SLC11A2: variants seen among roughly 807,000 people sequenced by gnomAD.
SLC11A2 encodes the protein natural resistance-associated macrophage protein 2.
In SLC11A2, 38 loss-of-function variants were observed where a neutral mutation model predicts 68.0. The observed-to-expected ratio is 0.56, with a 90% CI of 0.43 to 0.73. The LOEUF (loss-of-function observed/expected upper bound fraction) is 0.73, where lower values mean the gene tolerates loss of function less well. SLC11A2 is among the 30% of genes least tolerant of loss of function. SLC11A2 has a pLI of 0.00. For synonymous variants in SLC11A2, 242 were observed against 250.6 expected (o/e 0.97, Z 0.32); for missense variants, 517 against 690.5 (o/e 0.75, Z 2.82).
chr12:51,016,184 TAAGCC>T (rs777338598), intron 1 of SLC11A2, among the ~76,000 whole-genome samples: 5 of 152,130 alleles, frequency 3.3e-5, no homozygotes, highest in Non-Finnish European at 7.4e-5. Context: ...GCAGATTGCT[TAAGCC>T]CAGGAGTTCA....
the SLC11A2 span, among the ~76,000 whole-genome samples, chr12:50,963,395 A>G: frequency 6.8e-6 from 1 of 146,118 alleles, no homozygotes; most frequent in African/African-American, 2.5e-5. Flanking sequence ...AAAAAAAAAG[A>G]AAAGAAAAGA....
At chr12:50,993,593 AG>A (rs369091351) in intron 11 of SLC11A2, among the ~76,000 whole-genome samples, 5 of 150,730 alleles carry the variant, frequency 3.3e-5, no homozygotes, top group East Asian at 3.9e-4. Flanking sequence ...TGGGAGGCCG[AG>A]GGGGGGGTGG....
the SLC11A2 span, among the ~76,000 whole-genome samples, chr12:50,968,300 C>T: frequency 6.6e-6 from 1 of 152,170 alleles, no homozygotes; most frequent in East Asian, 1.9e-4. Flanking sequence ...CAAGGATGAA[C>T]TAGAACCCAA....
chr12:50,993,573 C>T (rs1171653640), intron 11 of SLC11A2, among the ~76,000 whole-genome samples: 1 of 151,012 alleles, frequency 6.6e-6, no homozygotes, highest in Non-Finnish European at 1.5e-5. Context: ...CACCTGTAAT[C>T]CCAGCACTTT....
At chr12:51,003,376 A>G (rs529783901) in intron 5 of SLC11A2, among the ~76,000 whole-genome samples, 13 of 151,972 alleles carry the variant, frequency 8.6e-5, no homozygotes, top group Middle Eastern at 6.8e-3. Flanking sequence ...CATCTCTACT[A>G]AAAATACAAA....
chr12:50,954,292 G>A, the SLC11A2 span: 1 of 445,762 alleles, frequency 2.2e-6, no homozygotes, highest in Non-Finnish European at 3.9e-6. Context: ...GTTATTTGAG[G>A]CATCAAATTT....
At chr12:50,979,493 C>G (rs1939905745), downstream of SLC11A2, 1 of 165,318 alleles carries the variant, frequency 6.0e-6, no homozygotes, top group Non-Finnish European at 1.3e-5. Flanking sequence ...TAAAACCACC[C>G]AGGGAGGCGG....
chr12:51,026,551 T>G (rs988308914), upstream of SLC11A2: 3 of 345,924 alleles, frequency 8.7e-6, no homozygotes, highest in African/African-American at 6.9e-5. Context: ...CGGCGGCCCC[T>G]GGGGCACCCG....
downstream of SLC11A2, chr12:50,980,126 T>A: frequency 2.8e-6 from 1 of 361,006 alleles, no homozygotes; most frequent in Non-Finnish European, 5.5e-6. Flanking sequence ...TTTGGGATGC[T>A]GAAGTGGGAG....
At chr12:51,020,105 T>C (rs73300041) in intron 1 of SLC11A2, among the ~76,000 whole-genome samples, 4,283 of 152,118 alleles carry the variant, frequency 0.028, 203 homozygotes, top group African/African-American at 0.099. Flanking sequence ...ATTATTTACA[T>C]ATTTCTAGCC....
chr12:50,972,914 C>CA, the SLC11A2 span, among the ~76,000 whole-genome samples: 2 of 152,320 alleles, frequency 1.3e-5, no homozygotes, highest in African/African-American at 4.8e-5. Context: ...AGTCTGAGAT[C>CA]AAACTGCAAC....
At chr12:50,969,504 G>A in the SLC11A2 span, among the ~76,000 whole-genome samples, 11 of 151,774 alleles carry the variant, frequency 7.2e-5, no homozygotes, top group South Asian at 2.1e-4. Flanking sequence ...GTTCAAGACC[G>A]GCCTGGCCAA....
rs1280864794 is a variant in SLC11A2 at position 51,005,344 on chromosome 12, G to A, written c.276C>T (p.Ser92=). 17 of 1,613,888 alleles carry A rather than the reference G, an allele frequency of 1.1e-5. No homozygotes were observed. The highest frequency in any genetic ancestry group is 5.0e-5 in the Admixed American group (3 of 60,000). ...CAGCCACTGCTCCAGACTGCAAATC[G>A]GATTCAATATTTCCTGGATCCAGGT... ...IAYLDPGNIE[S]DLQSGAVAGF... is the part of the protein sequence containing the mutation. The change falls in exon 4 of 16, where the codon TCC becomes TCT. Residue 92 remains serine, a synonymous_variant. Transcript: ENST00000262052.
At chr12:51,026,469 A>G, upstream of SLC11A2, 1 of 728,990 alleles carries the variant, frequency 1.4e-6, no homozygotes, top group Non-Finnish European at 2.0e-6. Flanking sequence ...AGCGGCCGGG[A>G]TGCGTGGCCC....
At chr12:50,968,134 G>GAAT in the SLC11A2 span, among the ~76,000 whole-genome samples, 346 of 151,446 alleles carry the variant, frequency 2.3e-3, 1 homozygote, top group African/African-American at 7.8e-3. Flanking sequence ...AGGAGAATGA[G>GAAT]GAGGAGGAGG....
At chr12:51,028,242 G>T (rs1291950479), upstream of SLC11A2, 12 of 1,533,488 alleles carry the variant, frequency 7.8e-6, no homozygotes, top group Middle Eastern at 1.0e-3. Context: ...GAACTAGTTT[G>T]ACTTTCCCAA....
At position 51,010,758 on chromosome 12, in the gene SLC11A2, AAT is replaced by A. The variant is rs1344660300; in HGVS notation, c.-32_-31del. On this transcript the variant is annotated 5_prime_UTR_variant, in exon 2 of 16. Transcript: ENST00000262052. The stretch of plus-strand genomic sequence containing the variant: ...GATACCTGAGTGGCTGAGTTCTTAG[AAT>A]ATGATTCTGGAAAGGAGAAAAGTGA... 9.4e-6 allele frequency: 15 copies of A among 1,597,278 alleles called. No homozygotes were observed. Among genetic ancestry groups the A allele is most frequent in the Non-Finnish European group, 1.3e-5 (15 of 1,167,416 alleles).
chr12:50,957,215 TC>T, the SLC11A2 span, among the ~76,000 whole-genome samples: 89 of 147,018 alleles, frequency 6.1e-4, no homozygotes, highest in African/African-American at 2.1e-3. Flanking sequence ...TGCTTTTTTT[TC>T]TTTTTTTTTT....
chr12:51,026,867 C>CA (rs1371164405), upstream of SLC11A2, among the ~76,000 whole-genome samples: 4 of 151,830 alleles, frequency 2.6e-5, no homozygotes, highest in Non-Finnish European at 4.4e-5. Context: ...CCGGTCTCTA[C>CA]AAAAAATTTT....
Sources: gnomAD v4.1 joint callset for allele counts (sites outside exome capture counted in the v4.1 genomes callset) on GRCh38, gnomAD v4.1.1 for gene constraint, MANE v1.5 for transcripts, NCBI Gene and HGNC (gene_info 2026-07-23, HGNC 2026-07-21) for gene names.